BMPR1A: variants seen among roughly 807,000 people sequenced by gnomAD.
The protein encoded by BMPR1A is bone morphogenetic protein receptor type-1A.
A neutral mutation model predicts 66.0 loss-of-function variants in BMPR1A; 7 were observed. That is an observed-to-expected ratio of 0.11 (90% CI 0.06 to 0.20). BMPR1A has a LOEUF of 0.20. Among genes scored for constraint, BMPR1A ranks in the 10% least tolerant of loss-of-function variants. The probability of loss-of-function intolerance (pLI) is 1.00; values close to 1 mark genes in which losing one functional copy is unlikely to be tolerated. For missense variants in BMPR1A, 408 were observed against 669.1 expected, an observed-to-expected ratio of 0.61 and a Z score of 4.31; for synonymous variants, 200 against 229.7, an observed-to-expected ratio of 0.87 and a Z score of 1.17.
chr10:86,882,571 C>T (rs1017309557), intron 3 of BMPR1A, among the ~76,000 whole-genome samples: 1 of 150,044 alleles, frequency 6.7e-6, no homozygotes, highest in Non-Finnish European at 1.5e-5. Flanking sequence ...CCAAAGAGGA[C>T]TTTTTGGTTT....
chr10:86,766,867 A>G (rs1403096113), intron 1 of BMPR1A, among the ~76,000 whole-genome samples: 1 of 144,718 alleles, frequency 6.9e-6, no homozygotes, highest in Non-Finnish European at 1.5e-5. Context: ...CTCTGCTGCC[A>G]GGCTGGAGTG....
chr10:86,780,945 G>A (rs1490311845), intron 1 of BMPR1A, among the ~76,000 whole-genome samples: 1 of 151,936 alleles, frequency 6.6e-6, no homozygotes, highest in Non-Finnish European at 1.5e-5. Context: ...AAGCTACTTG[G>A]GCTCAAGCAA....
At chr10:86,784,381 G>T (rs9988714) in intron 1 of BMPR1A, among the ~76,000 whole-genome samples, 1 of 151,960 alleles carries the variant, frequency 6.6e-6, no homozygotes, top group African/African-American at 2.4e-5. Flanking sequence ...TCCTTCATTC[G>T]GTTAATGTGG....
intron 3 of BMPR1A, among the ~76,000 whole-genome samples, chr10:86,879,352 A>G (rs894556266): frequency 2.6e-5 from 4 of 152,224 alleles, no homozygotes; most frequent in African/African-American, 9.6e-5. Context: ...CTTAGTGGCC[A>G]AAATTCATTA....
At chr10:86,868,530 C>T (rs1482903031) in intron 2 of BMPR1A, among the ~76,000 whole-genome samples, 1 of 152,232 alleles carries the variant, frequency 6.6e-6, no homozygotes, top group Non-Finnish European at 1.5e-5. Context: ...AGGAAGTCTG[C>T]AGTGAGTCTA....
In BMPR1A at chr10:86,813,655, C is replaced by T. The variant is rs115140942; in HGVS notation, c.-267-25210C>T. ...TTTGCATGCGCTCTCCATTTCCCCC[C>T]ATTCCCTGTGCAGTTGTCTTCCATA... On this transcript the variant is annotated intron_variant, in intron 1 of 12. Coordinates refer to ENST00000372037, the MANE Select transcript of BMPR1A (RefSeq NM_004329.3). Among the ~76,000 whole-genome samples, 1,082 of 152,286 alleles carry T rather than the reference C, an allele frequency of 7.1e-3. 13 individuals are homozygous for T. The highest frequency in any genetic ancestry group is 0.025 in the African/African-American group (1,037 of 41,556).
intron 5 of BMPR1A, among the ~76,000 whole-genome samples, chr10:86,894,649 A>G (rs1843199718): frequency 6.6e-6 from 1 of 152,188 alleles, no homozygotes; most frequent in Admixed American, 6.5e-5. Context: ...TCTATATACT[A>G]TATATGTGAA....
chr10:86,912,319 G>C lies in BMPR1A; in HGVS notation c.610G>C (p.Glu204Gln). 1 of 1,614,014 alleles carries C rather than the reference G, an allele frequency of 6.2e-7. No individual in the cohort carries two copies. The highest frequency in any genetic ancestry group is 1.1e-5 in the South Asian group (1 of 91,074). The change falls in exon 8 of 13, where the codon GAA (glutamate) becomes CAA (glutamine). Residue 204 changes from glutamate to glutamine, a missense_variant. Coordinates refer to ENST00000372037, the MANE Select transcript of BMPR1A (RefSeq NM_004329.3). ...EQDEAFIPVG[E>Q]SLKDLIDQSQ... ...GGATGAAGCATTTATTCCAGTTGGAGAATCACTAAAAGACCTTATTGACCA... is the reference window on the plus strand; with the variant it reads ...GGATGAAGCATTTATTCCAGTTGGACAATCACTAAAAGACCTTATTGACCA...
At chr10:86,824,905 C>A (rs1370203103) in intron 1 of BMPR1A, among the ~76,000 whole-genome samples, 1 of 151,996 alleles carries the variant, frequency 6.6e-6, no homozygotes, top group Non-Finnish European at 1.5e-5. Context: ...TTGATTCCAC[C>A]CTTACTACCT....
At chr10:86,849,676 A>G (rs962006736) in intron 2 of BMPR1A, among the ~76,000 whole-genome samples, 21 of 152,218 alleles carry the variant, frequency 1.4e-4, no homozygotes, top group African/African-American at 4.8e-4. Context: ...GTAGCCACAT[A>G]TGGTTAGTGG....
chr10:86,861,191 T>G (rs1466443469), intron 2 of BMPR1A, among the ~76,000 whole-genome samples: 1 of 152,106 alleles, frequency 6.6e-6, no homozygotes, highest in African/African-American at 2.4e-5. Context: ...TGAAAAGATG[T>G]TGTAACGCAG....
chr10:86,869,611 G>C (rs1564708690), intron 2 of BMPR1A, among the ~76,000 whole-genome samples: 1 of 152,062 alleles, frequency 6.6e-6, no homozygotes, highest in Non-Finnish European at 1.5e-5. Context: ...ACAAAAATTA[G>C]CTGGGCGTGA....
At chr10:86,795,398 A>G (rs188188022) in intron 1 of BMPR1A, among the ~76,000 whole-genome samples, 35 of 134,196 alleles carry the variant, frequency 2.6e-4, no homozygotes, top group Non-Finnish European at 4.4e-4. Context: ...AGCAAAAACC[A>G]TATTTAAAAA....
intron 1 of BMPR1A, among the ~76,000 whole-genome samples, chr10:86,787,509 C>A (rs1047809271): frequency 6.6e-6 from 1 of 152,052 alleles, no homozygotes; most frequent in Non-Finnish European, 1.5e-5. Flanking sequence ...TGTATTTAAT[C>A]CCAGTTAAAG....
At chr10:86,923,256 T>C in intron 11 of BMPR1A, 120 bp from the exon 12 acceptor site, 1 of 1,297,238 alleles carries the variant, frequency 7.7e-7, no homozygotes. Flanking sequence ...TCATAGTGTC[T>C]ATATTTTTTC....
rs148484235 is a variant in BMPR1A, at chr10:86,831,820, G to C, written c.-267-7045G>C. 3.9e-5 allele frequency among the ~76,000 whole-genome samples: 6 copies of C among 152,180 alleles called. No individual in the cohort carries two copies. In the East Asian group the frequency reaches 1.2e-3, roughly 29 times the overall value. On this transcript the variant is annotated intron_variant, in intron 1 of 12. Coordinates refer to ENST00000372037, the MANE Select transcript of BMPR1A (RefSeq NM_004329.3). ...GTACAAGTGTCTTTTTTGGTGCATA[G>C]CTCATTTTACCTACTTTTGGATTTT...
At position 86,889,943 on chromosome 10, in the gene BMPR1A, A is replaced by G. The variant is rs375911921; in HGVS notation, c.68-119A>G. ...GAATGAAATTTATATTTCTAAAGAA[A>G]CATGCTAGCTACAATTATTGTGATA... On this transcript the variant is annotated intron_variant, in intron 3 of 12. Transcript: ENST00000372037. 5.6e-6 allele frequency: 6 copies of G among 1,077,152 alleles called. No homozygotes were observed. The East Asian group carries it at 1.3e-4, about 23-fold the overall frequency. 66.7% of individuals were successfully genotyped at this position (1,077,152 alleles called of 1,614,324 possible). A position where few individuals can be genotyped will look rare whatever the true frequency, so the allele number is the denominator to read the frequency against.
intron 1 of BMPR1A, among the ~76,000 whole-genome samples, chr10:86,831,422 C>T (rs541384131): frequency 1.2e-3 from 190 of 152,244 alleles, no homozygotes; most frequent in South Asian, 2.3e-3. Flanking sequence ...TTCTAATAAA[C>T]ATTTAGATGA....
chr10:86,852,120 TAAAA>T (rs527829936), intron 2 of BMPR1A, among the ~76,000 whole-genome samples: 4 of 142,880 alleles, frequency 2.8e-5, no homozygotes, highest in Non-Finnish European at 6.2e-5. Context: ...TCACAACTGT[TAAAA>T]AAAAAAAAAA....
Sources: allele counts gnomAD v4.1 joint callset (sites outside exome capture counted in the v4.1 genomes callset), GRCh38; gene constraint gnomAD v4.1.1; transcripts MANE v1.5; gene names NCBI Gene and HGNC (gene_info 2026-07-23, HGNC 2026-07-21).